Variants in MDGA2 observed in about 807,000 individuals in gnomAD.
The protein encoded by MDGA2 is MAM domain containing glycosylphosphatidylinositol anchor 2, also known as MAM domain-containing glycosylphosphatidylinositol anchor protein 2.
Under a neutral mutation model 117.8 loss-of-function variants are expected in MDGA2, and 40 were observed. The observed-to-expected ratio is 0.34, with a 90% CI of 0.26 to 0.44. The LOEUF (loss-of-function observed/expected upper bound fraction) is 0.44. MDGA2 is among the 20% of genes least tolerant of loss of function. MDGA2 has a pLI of 1.00. For synonymous variants in MDGA2, 452 were observed against 439.0 expected (o/e 1.03, Z -0.37); for missense variants, 1,123 against 1,250.6 (o/e 0.90, Z 1.54).
At position 47,380,204 on chromosome 14, in the gene MDGA2, C is replaced by T. The variant is rs571614248; in HGVS notation, c.281-78654G>A. ...AAAGACACAACATACGAGAACCTCT[C>T]GGACACATTTAAAGCAGTGTGTAGA... On this transcript the variant is annotated intron_variant, in intron 1 of 16. Transcript: ENST00000399232. Among the ~76,000 whole-genome samples, 9 of 152,154 alleles carry T rather than the reference C, an allele frequency of 5.9e-5. No individual in the cohort carries two copies. The East Asian group carries it at 1.7e-3, about 29-fold the overall frequency.
At chr14:47,620,455 A>G (rs933767768) in intron 1 of MDGA2, among the ~76,000 whole-genome samples, 1 of 152,242 alleles carries the variant, frequency 6.6e-6, no homozygotes, top group Non-Finnish European at 1.5e-5. Context: ...TTTAAATCAT[A>G]AAGATTTGAT....
At chr14:47,493,878 T>C (rs1894224634) in intron 1 of MDGA2, among the ~76,000 whole-genome samples, 1 of 152,136 alleles carries the variant, frequency 6.6e-6, no homozygotes, top group Non-Finnish European at 1.5e-5. Flanking sequence ...AGATATAGAT[T>C]GCTGTGTGGT....
intron 1 of MDGA2, among the ~76,000 whole-genome samples, chr14:47,350,586 TGC>T (rs201406441): frequency 6.6e-6 from 1 of 151,886 alleles, no homozygotes; most frequent in African/African-American, 2.4e-5. Flanking sequence ...TGTGTGTGTG[TGC>T]GCGCACACGT....
chr14:46,978,221 C>T (rs1185869081), intron 8 of MDGA2, among the ~76,000 whole-genome samples: 2 of 151,898 alleles, frequency 1.3e-5, no homozygotes, highest in Admixed American at 6.6e-5. Flanking sequence ...TCTTAATTTA[C>T]TCTTTTGTCT....
chr14:46,966,307 C>A (rs1886029063), intron 8 of MDGA2, among the ~76,000 whole-genome samples: 1 of 152,132 alleles, frequency 6.6e-6, no homozygotes, highest in South Asian at 2.1e-4. Context: ...TTAAAAACAG[C>A]CTATGTCACA....
chr14:47,003,400 T>C (rs1336425378), intron 8 of MDGA2, among the ~76,000 whole-genome samples: 5 of 151,958 alleles, frequency 3.3e-5, no homozygotes, highest in Admixed American at 6.6e-5. Flanking sequence ...TTTGCCACAA[T>C]GGTTTGTACC....
chr14:47,084,756 G>A (rs1394544186), intron 6 of MDGA2, among the ~76,000 whole-genome samples: 1 of 152,116 alleles, frequency 6.6e-6, no homozygotes, highest in Non-Finnish European at 1.5e-5. Context: ...TTCCCTCTCT[G>A]CTCTATTCCA....
intron 6 of MDGA2, among the ~76,000 whole-genome samples, chr14:47,086,329 A>C (rs1890899557): frequency 6.6e-6 from 1 of 152,082 alleles, no homozygotes; most frequent in South Asian, 2.1e-4. Flanking sequence ...AAAAGGAACA[A>C]TTAAAGAATT....
intron 3 of MDGA2, among the ~76,000 whole-genome samples, chr14:47,209,293 C>T (rs1885799283): frequency 6.6e-6 from 1 of 152,090 alleles, no homozygotes; most frequent in South Asian, 2.1e-4. Flanking sequence ...TATTGTAGGT[C>T]ATCAGTTAAC....
At chr14:46,989,312 A>G (rs1175430698) in intron 8 of MDGA2, among the ~76,000 whole-genome samples, 2 of 147,338 alleles carry the variant, frequency 1.4e-5, no homozygotes, top group South Asian at 4.2e-4. Flanking sequence ...AGAAAAGGAT[A>G]GCTGCACTGG....
At chr14:47,210,996 C>T (rs555385678) in intron 3 of MDGA2, among the ~76,000 whole-genome samples, 1 of 152,166 alleles carries the variant, frequency 6.6e-6, no homozygotes, top group African/African-American at 2.4e-5. Flanking sequence ...AAAAATAAAA[C>T]ATAAAAAAAG....
At chr14:47,626,572 G>C (rs900417547) in intron 1 of MDGA2, 8 of 152,580 alleles carry the variant, frequency 5.2e-5, no homozygotes, top group Non-Finnish European at 1.2e-4. Context: ...GCGCAGGCGG[G>C]AATCGGGGGC....
At chr14:47,249,150 T>C (rs944892223) in intron 2 of MDGA2, among the ~76,000 whole-genome samples, 1 of 151,998 alleles carries the variant, frequency 6.6e-6, no homozygotes, top group South Asian at 2.1e-4. Context: ...CCCGAGTAGA[T>C]GGGACTACAG....
intron 8 of MDGA2, among the ~76,000 whole-genome samples, chr14:46,963,404 G>A (rs7161602): frequency 0.12 from 17,537 of 151,422 alleles, 1,892 homozygotes; most frequent in African/African-American, 0.26. Flanking sequence ...TTTCCTGTTC[G>A]AAAAACTTTA....
intron 6 of MDGA2, among the ~76,000 whole-genome samples, chr14:47,066,272 T>A (rs1041149659): frequency 1.3e-5 from 2 of 152,204 alleles, no homozygotes; most frequent in Non-Finnish European, 2.9e-5. Flanking sequence ...TACTTAATAC[T>A]CTTTATTGAA....
intron 1 of MDGA2, among the ~76,000 whole-genome samples, chr14:47,363,808 G>C (rs1891175817): frequency 6.6e-6 from 1 of 152,052 alleles, no homozygotes; most frequent in African/African-American, 2.4e-5. Flanking sequence ...GAGAGAGAAA[G>C]AGAGAAAGAG....
intron 7 of MDGA2, among the ~76,000 whole-genome samples, chr14:47,056,707 T>C (rs941465041): frequency 6.6e-6 from 1 of 152,140 alleles, no homozygotes; most frequent in African/African-American, 2.4e-5. Context: ...GACTCTACCA[T>C]GGAATAATAC....
chr14:47,517,773 CA>C (rs1205450610), intron 1 of MDGA2, among the ~76,000 whole-genome samples: 1 of 151,960 alleles, frequency 6.6e-6, no homozygotes, highest in Non-Finnish European at 1.5e-5. Flanking sequence ...ATGAAACTGA[CA>C]AAAAATGTTT....
At chr14:47,482,075 T>C (rs1052731643) in intron 1 of MDGA2, among the ~76,000 whole-genome samples, 6 of 152,000 alleles carry the variant, frequency 3.9e-5, no homozygotes, top group African/African-American at 1.4e-4. Context: ...GATTTTCCAG[T>C]TAGAATTTAT....
Sources: gnomAD v4.1 joint callset for allele counts (sites outside exome capture counted in the v4.1 genomes callset) on GRCh38, gnomAD v4.1.1 for gene constraint, MANE v1.5 for transcripts, NCBI Gene and HGNC (gene_info 2026-07-23, HGNC 2026-07-21) for gene names.